METTL22: variants seen among roughly 807,000 people sequenced by gnomAD.
METTL22 encodes the protein methyltransferase 22, Kin17 lysine.
In METTL22, 51 loss-of-function variants were observed where a neutral mutation model predicts 48.4. The ratio of observed to expected loss-of-function variants is 1.05; its 90% CI spans 0.84 to 1.33. The LOEUF is 1.33. Ranked by LOEUF, METTL22 falls within the 40% of genes most tolerant of loss-of-function variation. The pLI, the probability that METTL22 is intolerant of heterozygous loss-of-function variation, is 0.00. For synonymous variants in METTL22, 255 were observed against 214.1 expected (o/e 1.19, Z -1.67); for missense variants, 678 against 526.9 (o/e 1.29, Z -2.81).
At chr16:8,660,530 G>T in the METTL22 span, among the ~76,000 whole-genome samples, 1 of 151,868 alleles carries the variant, frequency 6.6e-6, no homozygotes, top group Non-Finnish European at 1.5e-5. Flanking sequence ...AAGAATCCCT[G>T]TTTTTCGAAT....
chr16:8,629,050 G>A lies in METTL22; in HGVS notation c.454G>A (p.Glu152Lys). ...DKVHPMILAQ[E>K]EDDVLGEEAQ... ...GGTACATCCCATGATTCTAGCACAG[G>A]AAGAAGACGACGTCCTGGGAGAGGA... The change falls in exon 3 of 11, where the codon GAA becomes AAA. Residue 152 changes from glutamate to lysine, a missense_variant. Physicochemically the swap from Glu to Lys is moderately conservative, Grantham distance 56. Coordinates refer to ENST00000381920, the MANE Select transcript of METTL22 (RefSeq NM_024109.4). The A allele has an allele frequency of 6.2e-7, 1 of 1,613,972 alleles. No individual in the cohort carries two copies.
intron 7 of METTL22, chr16:8,641,805 C>T (rs1731008): frequency 0.99 from 479,355 of 481,810 alleles, 238,506 homozygotes; most frequent in East Asian, 1. Context: ...AGGCTGTTTT[C>T]CTGGGCCACC....
intron 2 of METTL22, 42 bp from the exon 3 acceptor site, chr16:8,628,688 A>C: frequency 1.3e-6 from 2 of 1,551,472 alleles, no homozygotes; most frequent in South Asian, 2.5e-5. Context: ...AAAAAAGAAA[A>C]CATCTTGGAA....
chr16:8,664,396 C>G, the METTL22 span, among the ~76,000 whole-genome samples: 1 of 151,972 alleles, frequency 6.6e-6, no homozygotes, highest in African/African-American at 2.4e-5. Flanking sequence ...TCCACCTGCC[C>G]CAGCCTCCCA....
intron 6 of METTL22, 84 bp from the exon 7 acceptor site, chr16:8,641,047 T>A (rs955720596): frequency 1.5e-6 from 2 of 1,297,002 alleles, no homozygotes; most frequent in Non-Finnish European, 2.2e-6. Flanking sequence ...GATAGATGGA[T>A]CTTCATATAT....
chr16:8,657,367 A>T, the METTL22 span, among the ~76,000 whole-genome samples: 3 of 152,256 alleles, frequency 2.0e-5, no homozygotes, highest in African/African-American at 7.2e-5. Context: ...GTTAAATACA[A>T]TATTAAGTAA....
At chr16:8,653,141 T>C (rs1164590085), downstream of METTL22, among the ~76,000 whole-genome samples, 1 of 152,158 alleles carries the variant, frequency 6.6e-6, no homozygotes, top group Non-Finnish European at 1.5e-5. Context: ...GTGCTGTTTC[T>C]TACATGGCAG....
At position 8,642,945 on chromosome 16, in the gene METTL22, C is replaced by CT. The variant is rs569235455; in HGVS notation, c.1010+381dup. 2.1e-3 allele frequency: 477 copies of CT among 223,576 alleles called. 1 individual carries two copies. The highest frequency in any genetic ancestry group is 9.9e-3 in the African/African-American group (448 of 45,452). 13.8% of individuals were successfully genotyped at this position (223,576 alleles called of 1,614,324 possible). A position where few individuals can be genotyped will look rare whatever the true frequency, so the allele number is the denominator to read the frequency against. On this transcript the variant is annotated intron_variant, in intron 9 of 10. Transcript: ENST00000381920. The stretch of plus-strand genomic sequence containing the variant: ...ATGTTCTCTCTGTGGTGCCGTCTGT[C>CT]TCTTCAGCTCCCCCAGGTCTCTTTC...
the METTL22 span, among the ~76,000 whole-genome samples, chr16:8,663,340 A>G: frequency 6.6e-6 from 1 of 152,116 alleles, no homozygotes; most frequent in South Asian, 2.1e-4. Flanking sequence ...CCTGCTCAAC[A>G]GTTAATGATG....
chr16:8,641,181 A>C lies in METTL22; in HGVS notation c.823A>C (p.Thr275Pro), dbSNP rs760830082. The change falls in exon 7 of 11, where the codon ACA becomes CCA. Residue 275 changes from threonine to proline, a missense_variant. Coordinates refer to ENST00000381920, the MANE Select transcript of METTL22 (RefSeq NM_024109.4). ...GGACTGGCTGAAGGACGACCTCTGC[A>C]CAGGTGTGTGTTTCTCTCGGACGTC... ...ELDWLKDDLC[T>P]DPKVPFSWSQ... 6.2e-7 allele frequency: 1 copy of C among 1,614,002 alleles called. No homozygotes were observed. Among genetic ancestry groups the C allele is most frequent in the Non-Finnish European group, 8.5e-7 (1 of 1,179,944 alleles).
intron 3 of METTL22, among the ~76,000 whole-genome samples, chr16:8,629,926 A>T (rs1348694764): frequency 6.6e-6 from 1 of 152,088 alleles, no homozygotes; most frequent in East Asian, 1.9e-4. Flanking sequence ...TGCATGGATG[A>T]GGAAGTGAAA....
rs2056798602 is a variant in METTL22, at chr16:8,646,291, G to A, written c.*148G>A. On this transcript the variant is annotated 3_prime_UTR_variant, in exon 11 of 11. Coordinates refer to ENST00000381920, the MANE Select transcript of METTL22 (RefSeq NM_024109.4). ...CTTAGATGACCCAAGATGGTTTTCT[G>A]GGGTCTGTCCCTGCCTCCCAGTTGT... 1.9e-6 allele frequency: 2 copies of A among 1,030,536 alleles called. No individual in the cohort carries two copies. The highest frequency in any genetic ancestry group is 1.5e-6 in the Non-Finnish European group (1 of 679,098). 63.8% of individuals were successfully genotyped at this position (1,030,536 alleles called of 1,614,324 possible).
At chr16:8,642,760 C>T (rs1254628829) in intron 9 of METTL22, 195 bp downstream of exon 9, 15 of 622,064 alleles carry the variant, frequency 2.4e-5, no homozygotes, top group South Asian at 2.0e-4. Flanking sequence ...TGTGTGCAGG[C>T]GCTGCTGTCC....
chr16:8,643,165 C>G (rs1207004823), intron 9 of METTL22, among the ~76,000 whole-genome samples: 1 of 152,242 alleles, frequency 6.6e-6, no homozygotes, highest in Non-Finnish European at 1.5e-5. Context: ...TAAAACGAAA[C>G]AGACTTCTTC....
chr16:8,665,742 A>G, the METTL22 span, among the ~76,000 whole-genome samples: 142 of 152,290 alleles, frequency 9.3e-4, no homozygotes, highest in African/African-American at 3.0e-3. Flanking sequence ...CAGAAGACCA[A>G]TCGGGCCCAG....
chr16:8,626,598 G>GCCA, intron 2 of METTL22, among the ~76,000 whole-genome samples: 1 of 150,652 alleles, frequency 6.6e-6, no homozygotes, highest in South Asian at 2.1e-4. Context: ...ACCGGCACCT[G>GCCA]CCACCACGCC....
At chr16:8,640,950 G>GTGGATGGA (rs2056592084) in intron 6 of METTL22, among the ~76,000 whole-genome samples, 181 bp from the exon 7 acceptor site, 1 of 33,344 alleles carries the variant, frequency 3.0e-5, no homozygotes, top group Non-Finnish European at 6.1e-5. Flanking sequence ...GGATGGGTGG[G>GTGGATGGA]TGGATGGCTG....
chr16:8,642,666 G>C (rs2056661102), intron 9 of METTL22, 101 bp downstream of exon 9: 1 of 1,138,876 alleles, frequency 8.8e-7, no homozygotes, highest in South Asian at 1.2e-5. Context: ...TTGTTACTCA[G>C]TGCCACTTAT....
At chr16:8,637,615 C>G (rs1393948243) in intron 5 of METTL22, among the ~76,000 whole-genome samples, 1 of 152,182 alleles carries the variant, frequency 6.6e-6, no homozygotes, top group African/African-American at 2.4e-5. Flanking sequence ...GCTGATGAGA[C>G]CCGAGGCCCT....
Sources: allele counts gnomAD v4.1 joint callset (sites outside exome capture counted in the v4.1 genomes callset), GRCh38; gene constraint gnomAD v4.1.1; transcripts MANE v1.5; gene names NCBI Gene and HGNC (gene_info 2026-07-23, HGNC 2026-07-21).